The following EML5 variants were observed in gnomAD, a reference collection of about 807,000 sequenced individuals.
The protein encoded by EML5 is EMAP like 5.
A neutral mutation model predicts 250.0 loss-of-function variants in EML5; 120 were observed. That is an observed-to-expected ratio of 0.48 (90% CI 0.41 to 0.56). EML5 has a LOEUF of 0.56. EML5 is among the 20% of genes least tolerant of loss of function. EML5 has a pLI of 0.00. For synonymous variants in EML5, 771 were observed against 806.5 expected (o/e 0.96, Z 0.75); for missense variants, 2,006 against 2,437.6 (o/e 0.82, Z 3.73).
At chr14:88,661,885 CA>C in intron 24 of EML5, 55 bp from the exon 25 acceptor site, 1 of 1,467,028 alleles carries the variant, frequency 6.8e-7, no homozygotes, top group Non-Finnish European at 9.2e-7. Flanking sequence ...AAAGTATTAA[CA>C]ACCAAAATGT....
intron 21 of EML5, among the ~76,000 whole-genome samples, chr14:88,681,104 G>A (rs1201591428): frequency 1.3e-5 from 2 of 151,988 alleles, no homozygotes; most frequent in Non-Finnish European, 2.9e-5. Context: ...AGGCAAACTT[G>A]AAAACAAATA....
At chr14:88,634,607 A>G (rs2090619189) in intron 32 of EML5, 118 bp from the exon 33 acceptor site, 1 of 495,152 alleles carries the variant, frequency 2.0e-6, no homozygotes, top group Admixed American at 4.5e-5. Context: ...ATTACATTTG[A>G]TTGAGTAAAC....
intron 16 of EML5, among the ~76,000 whole-genome samples, chr14:88,694,876 C>A (rs754946144): frequency 4.8e-4 from 73 of 152,210 alleles, no homozygotes; most frequent in Middle Eastern, 3.4e-3. Flanking sequence ...ATCTCTGACA[C>A]TGTTGACTAG....
intron 10 of EML5, 117 bp from the exon 11 acceptor site, chr14:88,706,543 G>T: frequency 1.3e-6 from 1 of 750,862 alleles, no homozygotes. Flanking sequence ...AAACAAATGG[G>T]AAAAATGCTG....
At chr14:88,702,090 T>G (rs1045074636) in intron 14 of EML5, among the ~76,000 whole-genome samples, 1 of 152,138 alleles carries the variant, frequency 6.6e-6, no homozygotes, top group African/African-American at 2.4e-5. Context: ...CACAGGACAT[T>G]TGTTAAATAA....
At chr14:88,656,236 G>A (rs1390987881) in intron 27 of EML5, among the ~76,000 whole-genome samples, 2 of 152,144 alleles carry the variant, frequency 1.3e-5, no homozygotes, top group African/African-American at 4.8e-5. Flanking sequence ...ATCAATAATA[G>A]ACTGGATAAA....
At chr14:88,765,952 A>C (rs2094314309) in intron 1 of EML5, among the ~76,000 whole-genome samples, 1 of 152,214 alleles carries the variant, frequency 6.6e-6, no homozygotes, top group Admixed American at 6.5e-5. Flanking sequence ...TTTCATGGAC[A>C]TTTATTAGCT....
At position 88,738,996 on chromosome 14, in the gene EML5, T is replaced by C. The variant is rs1318641372; in HGVS notation, c.730A>G (p.Asn244Asp). The change falls in exon 6 of 44, where the codon AAT (asparagine) becomes GAT (aspartate). Residue 244 changes from asparagine (N) to aspartate (D), a missense_variant. Around this residue, in one of 7 missense-constraint regions of EML5, gnomAD observed 1,375 missense variants for 1,590.3 expected, o/e 0.86. Transcript: ENST00000554922. ...GAHAAGIFSM[N>D]ACEEGFATGG... ...GTAGCAAAGCCTTCTTCACAAGCAT[T>C]CATGCTAAAAATTCCTGCCTAGAAG... The C allele has an allele frequency of 1.2e-6, 2 of 1,604,742 alleles. No homozygotes were observed. The highest frequency in any genetic ancestry group is 1.7e-6 in the Non-Finnish European group (2 of 1,177,252).
intron 14 of EML5, among the ~76,000 whole-genome samples, chr14:88,701,194 G>A (rs1459451289): frequency 1.3e-5 from 2 of 152,096 alleles, no homozygotes; most frequent in Non-Finnish European, 2.9e-5. Flanking sequence ...GGTACTGTCT[G>A]GAGACATTTT....
intron 17 of EML5, among the ~76,000 whole-genome samples, chr14:88,691,626 G>T (rs957062116): frequency 1.3e-5 from 2 of 152,110 alleles, no homozygotes; most frequent in Non-Finnish European, 2.9e-5. Context: ...ATCATAACTT[G>T]AAATTCTCAA....
chr14:88,760,857 T>C (rs1300663827), intron 1 of EML5, among the ~76,000 whole-genome samples: 1 of 152,200 alleles, frequency 6.6e-6, no homozygotes, highest in Non-Finnish European at 1.5e-5. Flanking sequence ...TTTTAGTATA[T>C]AACATAGACC....
chr14:88,787,890 A>T (rs1443624999), intron 1 of EML5, among the ~76,000 whole-genome samples: 1 of 151,960 alleles, frequency 6.6e-6, no homozygotes, highest in Non-Finnish European at 1.5e-5. Context: ...CCATTTCTCA[A>T]ACGGCTTGTG....
intron 39 of EML5, chr14:88,619,178 C>G (rs2088358721): frequency 6.3e-6 from 1 of 159,674 alleles, no homozygotes; most frequent in Admixed American, 6.3e-5. Context: ...CCAGCCTGAC[C>G]AACATAGAGA....
At chr14:88,760,134 TTC>T (rs2094217827) in intron 1 of EML5, among the ~76,000 whole-genome samples, 1 of 152,226 alleles carries the variant, frequency 6.6e-6, no homozygotes, top group African/African-American at 2.4e-5. Context: ...TTTCTTTGCA[TTC>T]TCTGTTTCTC....
intron 32 of EML5, among the ~76,000 whole-genome samples, chr14:88,635,450 G>C (rs973221314): frequency 1.3e-5 from 2 of 152,208 alleles, no homozygotes; most frequent in African/African-American, 2.4e-5. Context: ...TTGGTCTGGA[G>C]AGACTAGGTT....
Position 88,661,662 on chromosome 14 carries a change from G to A in EML5, c.3667C>T (p.Pro1223Ser). The change falls in exon 25 of 44, where the codon CCT (proline) becomes TCT (serine). Residue 1223 changes from proline to serine, a missense_variant. This residue lies in a region of EML5 where 1,375 missense variants were observed against 1,590.3 expected (regional missense o/e 0.86). Coordinates refer to ENST00000554922, the MANE Select transcript of EML5 (RefSeq NM_183387.3). ...TAAAGAAAAACACATACTTTAGTAG[G>A]ATATCTAAATAACTTCACAAATCCC... Reference protein sequence around the residue: ...DLGFVKLFRYPTKGKFGKFKR... With the variant: ...DLGFVKLFRYSTKGKFGKFKR... 1 of 1,611,842 alleles carries A rather than the reference G, an allele frequency of 6.2e-7. No individual in the cohort carries two copies. Among genetic ancestry groups the A allele is most frequent in the Non-Finnish European group, 8.5e-7 (1 of 1,179,040 alleles).
chr14:88,673,216 G>A (rs2092513526), intron 21 of EML5, among the ~76,000 whole-genome samples: 1 of 152,220 alleles, frequency 6.6e-6, no homozygotes, highest in Admixed American at 6.5e-5. Context: ...TCCCCAGGAT[G>A]CTAGGCTTGT....
chr14:88,705,777 C>A, intron 11 of EML5, 189 bp from the exon 12 acceptor site: 1 of 668,220 alleles, frequency 1.5e-6, no homozygotes, highest in South Asian at 1.5e-5. Context: ...CCTCTCCACT[C>A]ACTGCAAACT....
intron 9 of EML5, among the ~76,000 whole-genome samples, chr14:88,713,379 G>A (rs1043144037): frequency 3.4e-5 from 4 of 117,652 alleles, no homozygotes; most frequent in Non-Finnish European, 5.0e-5. Flanking sequence ...GCAACAGAGC[G>A]AAACTCCGTC....
Sources: allele counts gnomAD v4.1 joint callset (sites outside exome capture counted in the v4.1 genomes callset), GRCh38; gene constraint gnomAD v4.1.1; regional missense constraint gnomAD v4.1.1; transcripts MANE v1.5; gene names NCBI Gene and HGNC (gene_info 2026-07-23, HGNC 2026-07-21).